Variants in RPGRIP1 observed in about 807,000 individuals in gnomAD.
The protein encoded by RPGRIP1 is X-linked retinitis pigmentosa GTPase regulator-interacting protein 1.
In RPGRIP1, 128 loss-of-function variants were observed where a neutral mutation model predicts 157.9. The ratio of observed to expected loss-of-function variants is 0.81; its 90% CI spans 0.70 to 0.94. The LOEUF (loss-of-function observed/expected upper bound fraction) is 0.94. Ranked by LOEUF, RPGRIP1 falls within the 40% of genes least tolerant of loss-of-function variation. The pLI is 0.00. For missense variants in RPGRIP1, 1,486 were observed against 1,545.8 expected, an observed-to-expected ratio of 0.96 and a Z score of 0.65; for synonymous variants, 554 against 571.6, an observed-to-expected ratio of 0.97 and a Z score of 0.44.
chr14:21,303,612 C>A (rs1026338759), intron 6 of RPGRIP1, 69 bp downstream of exon 6: 4 of 1,175,610 alleles, frequency 3.4e-6, no homozygotes, highest in Non-Finnish European at 5.0e-6. Context: ...TTATTTATAC[C>A]TTTCCTCCAT....
At chr14:21,297,096 G>C (rs1459649749) in intron 3 of RPGRIP1, among the ~76,000 whole-genome samples, 1 of 151,816 alleles carries the variant, frequency 6.6e-6, no homozygotes, top group Non-Finnish European at 1.5e-5. Context: ...GTTTTGTTTT[G>C]TTTTGTTTTG....
intron 11 of RPGRIP1, among the ~76,000 whole-genome samples, chr14:21,318,990 T>G (rs1425388124): frequency 6.6e-6 from 1 of 152,206 alleles, no homozygotes; most frequent in Non-Finnish European, 1.5e-5. Flanking sequence ...GACCTTCATC[T>G]TACTACTTTT....
chr14:21,328,551 G>A lies in RPGRIP1; in HGVS notation c.3023G>A (p.Gly1008Asp). The change falls in exon 19 of 25, where the codon GGC becomes GAC. Residue 1008 changes from glycine to aspartate, a missense_variant. By Grantham distance (94) the Gly-to-Asp change is moderately conservative (BLOSUM62 -1). Transcript: ENST00000400017. ...GTGAGCTACTCAAGAAGAAAACATG[G>A]CAAAAGAATAGGTGTTCAAGGAAAG... The part of the protein sequence containing the change: ...QVVSYSRRKH[G>D]KRIGVQGKNR... 1.2e-6 allele frequency: 2 copies of A among 1,613,742 alleles called. No homozygotes were observed. The highest frequency in any genetic ancestry group is 1.1e-5 in the South Asian group (1 of 91,078).
intron 19 of RPGRIP1, among the ~76,000 whole-genome samples, chr14:21,329,197 C>G (rs1883450632): frequency 6.6e-6 from 1 of 151,090 alleles, no homozygotes; most frequent in Non-Finnish European, 1.5e-5. Context: ...TGCCTGTAAT[C>G]CCAGCTACTC....
chr14:21,337,438 C>T (rs1199194752), intron 21 of RPGRIP1, among the ~76,000 whole-genome samples: 4 of 128,724 alleles, frequency 3.1e-5, no homozygotes, highest in South Asian at 4.8e-4. Context: ...CAATGTTAAG[C>T]TTTTTTTTTT....
chr14:21,328,693 A>C, intron 19 of RPGRIP1, 66 bp downstream of exon 19: 1 of 1,155,254 alleles, frequency 8.7e-7, no homozygotes. Flanking sequence ...TATTATTCTC[A>C]GAGGTAGAAG....
intron 3 of RPGRIP1, among the ~76,000 whole-genome samples, chr14:21,298,183 T>C (rs1488281842): frequency 6.6e-6 from 1 of 152,038 alleles, no homozygotes; most frequent in East Asian, 1.9e-4. Flanking sequence ...ACTTGTTTCA[T>C]GTTGATGTTC....
At position 21,293,866 on chromosome 14, in the gene RPGRIP1, G is replaced by A. The variant is rs138860395; in HGVS notation, c.86-811G>A. On this transcript the variant is annotated intron_variant, in intron 2 of 24. Coordinates refer to ENST00000400017, the MANE Select transcript of RPGRIP1 (RefSeq NM_020366.4). ...TGCACTCCAGCCTGGGCGAGAGTGC[G>A]AGACTCCGTCTCTTAAAAAAAAAAA... is the stretch of plus-strand genomic sequence containing the variant. Among the ~76,000 whole-genome samples the A allele has an allele frequency of 6.5e-3, 982 of 151,312 alleles. 9 individuals are homozygous for A. Among genetic ancestry groups the A allele is most frequent in the African/African-American group, 0.022 (928 of 41,278 alleles).
intron 10 of RPGRIP1, among the ~76,000 whole-genome samples, chr14:21,317,119 CA>C (rs999852634): frequency 1.2e-4 from 15 of 124,576 alleles, no homozygotes; most frequent in Middle Eastern, 4.5e-3. Context: ...GATTCTGTCT[CA>C]AAAAAAAAAG....
chr14:21,329,919 A>G (rs558331439), intron 19 of RPGRIP1, among the ~76,000 whole-genome samples: 19 of 150,998 alleles, frequency 1.3e-4, no homozygotes, highest in African/African-American at 4.6e-4. Context: ...GGAGTTCGAG[A>G]CCAGCCTGGC....
intron 24 of RPGRIP1, among the ~76,000 whole-genome samples, chr14:21,349,233 C>T (rs1190473218): frequency 6.6e-6 from 1 of 151,112 alleles, no homozygotes; most frequent in Non-Finnish European, 1.5e-5. Context: ...ACCACGCCAG[C>T]TAATTTTTGT....
At chr14:21,310,774 G>T (rs1258565892) in intron 8 of RPGRIP1, 167 bp downstream of exon 8, 7 of 659,080 alleles carry the variant, frequency 1.1e-5, no homozygotes, top group Admixed American at 7.3e-5. Context: ...ATTATCAAAA[G>T]ATACAGATAC....
At chr14:21,281,794 TA>T (rs1464059024) in intron 1 of RPGRIP1, among the ~76,000 whole-genome samples, 1 of 149,882 alleles carries the variant, frequency 6.7e-6, no homozygotes, top group Non-Finnish European at 1.5e-5. Context: ...ATACAGAGTG[TA>T]AAAAAGAAAA....
intron 20 of RPGRIP1, among the ~76,000 whole-genome samples, chr14:21,331,062 AC>A (rs1259513012): frequency 1.3e-5 from 2 of 151,770 alleles, no homozygotes; most frequent in African/African-American, 2.4e-5. Context: ...GGTATGTGCC[AC>A]CATCCCCGGC....
chr14:21,318,375 G>C (rs1882008384), intron 11 of RPGRIP1, among the ~76,000 whole-genome samples: 2 of 152,192 alleles, frequency 1.3e-5, no homozygotes, highest in South Asian at 4.1e-4. Context: ...GCTTCCCAAA[G>C]TGCTGGGATT....
At chr14:21,305,093 C>T (rs1881244575) in intron 6 of RPGRIP1, among the ~76,000 whole-genome samples, 1 of 152,170 alleles carries the variant, frequency 6.6e-6, no homozygotes, top group Non-Finnish European at 1.5e-5. Context: ...TAAGCCACTG[C>T]GCCTGGCCGG....
At chr14:21,282,759 G>A (rs949964212) in intron 1 of RPGRIP1, among the ~76,000 whole-genome samples, 12 of 151,918 alleles carry the variant, frequency 7.9e-5, no homozygotes, top group African/African-American at 2.9e-4. Flanking sequence ...ACAGGCGCGT[G>A]CCACCACACC....
intron 2 of RPGRIP1, among the ~76,000 whole-genome samples, chr14:21,289,109 C>T (rs1880416275): frequency 1.3e-5 from 2 of 152,016 alleles, no homozygotes; most frequent in South Asian, 4.1e-4. Context: ...GGGCAGATCA[C>T]GAAGTCAGGA....
rs1242497761 is a variant in RPGRIP1 at position 21,301,169 on chromosome 14, C to T, written c.422C>T (p.Pro141Leu). 1 of 1,594,864 alleles carries T rather than the reference C, an allele frequency of 6.3e-7. No individual in the cohort carries two copies. Among genetic ancestry groups the T allele is most frequent in the East Asian group, 2.3e-5 (1 of 43,942 alleles). Residue 141 changes from proline (P) to leucine (L), a missense_variant, in exon 4 of 25, where the codon CCT becomes CTT. By Grantham distance (98) the Pro-to-Leu change is moderately conservative. Transcript: ENST00000400017. The stretch of plus-strand genomic sequence containing the variant: ...CCTGCCAGCCCCCGCCGCGCCCAGC[C>T]TCGCGTCCAAGTGGGACACAGACAG... ...VGPASPRRAQ[P>L]RVQVGHRQLH...
Sources: allele counts gnomAD v4.1 joint callset (sites outside exome capture counted in the v4.1 genomes callset), GRCh38; gene constraint gnomAD v4.1.1; transcripts MANE v1.5; gene names NCBI Gene and HGNC (gene_info 2026-07-23, HGNC 2026-07-21).